Variants in TINAG observed in about 807,000 individuals in gnomAD.
The protein encoded by TINAG is tubulointerstitial nephritis antigen.
Under a neutral mutation model 72.7 loss-of-function variants are expected in TINAG, and 83 were observed. That is an observed-to-expected ratio of 1.14 (90% CI 0.96 to 1.37). The LOEUF (loss-of-function observed/expected upper bound fraction) is 1.37, where lower values mean the gene tolerates loss of function less well. TINAG is among the 40% of genes most tolerant of loss of function. The pLI is 0.00. For synonymous variants in TINAG, 234 were observed against 189.9 expected (o/e 1.23, Z -1.91); for missense variants, 685 against 576.6 (o/e 1.19, Z -1.93).
intron 9 of TINAG, among the ~76,000 whole-genome samples, chr6:54,371,458 C>A (rs1282924399): frequency 6.6e-6 from 1 of 151,454 alleles, no homozygotes; most frequent in East Asian, 1.9e-4. Flanking sequence ...TTTTATTACT[C>A]TGAATGTATT....
rs751547181 is a variant in TINAG, at chr6:54,343,239, C to A, written c.638C>A (p.Ala213Glu). ...SMNEMTASLP[A>E]TTDLPEFFVA... ...CTTCCTCTTTAGGCTTCTTTACCTG[C>A]AACAACTGATCTTCCAGAGTTTTTT... Residue 213 changes from alanine (A) to glutamate (E), a missense_variant, in exon 5 of 11, where the codon GCA becomes GAA. Transcript: ENST00000259782. The A allele has an allele frequency of 6.4e-7, 1 of 1,569,116 alleles. No homozygotes were observed. The highest frequency in any genetic ancestry group is 1.2e-5 in the South Asian group (1 of 82,460).
intron 3 of TINAG, among the ~76,000 whole-genome samples, chr6:54,322,776 A>G (rs1403577173): frequency 6.6e-6 from 1 of 152,206 alleles, no homozygotes; most frequent in Non-Finnish European, 1.5e-5. Context: ...TTTAGAAGAT[A>G]ACTTGATGAC....
intron 9 of TINAG, among the ~76,000 whole-genome samples, chr6:54,377,549 T>C (rs1454597783): frequency 6.6e-6 from 1 of 151,940 alleles, no homozygotes; most frequent in African/African-American, 2.4e-5. Flanking sequence ...ATAACTTCAG[T>C]AAAGTAAGGT....
intron 5 of TINAG, 99 bp downstream of exon 5, chr6:54,343,448 T>C (rs2150954825): frequency 9.1e-7 from 1 of 1,102,122 alleles, no homozygotes; most frequent in Non-Finnish European, 1.2e-6. Context: ...AATATTTAAA[T>C]ATTAGCATAT....
intron 9 of TINAG, among the ~76,000 whole-genome samples, chr6:54,356,541 C>A (rs1204368125): frequency 6.6e-6 from 1 of 151,644 alleles, no homozygotes; most frequent in Non-Finnish European, 1.5e-5. Context: ...CAAAAATTCC[C>A]AAATTATGTC....
chr6:54,320,867 C>G (rs1784475105), intron 2 of TINAG, among the ~76,000 whole-genome samples: 1 of 152,114 alleles, frequency 6.6e-6, no homozygotes, highest in Non-Finnish European at 1.5e-5. Flanking sequence ...ATGTTCTTGA[C>G]AATGGGTCTT....
chr6:54,385,967 T>G (rs1030026586), intron 10 of TINAG, among the ~76,000 whole-genome samples: 3 of 138,182 alleles, frequency 2.2e-5, no homozygotes, highest in African/African-American at 8.4e-5. Flanking sequence ...CTTGGCTAAC[T>G]GCATCCTCTA....
intron 4 of TINAG, among the ~76,000 whole-genome samples, chr6:54,334,575 A>G (rs968203993): frequency 6.6e-6 from 1 of 152,182 alleles, no homozygotes; most frequent in African/African-American, 2.4e-5. Context: ...TCCTATCATT[A>G]CTCACATTTT....
chr6:54,383,205 T>C (rs1764001293), intron 10 of TINAG, among the ~76,000 whole-genome samples: 1 of 152,124 alleles, frequency 6.6e-6, no homozygotes, highest in African/African-American at 2.4e-5. Flanking sequence ...TTGGGAGAAG[T>C]GAAAGAAAAC....
At chr6:54,356,918 T>TA (rs35183858) in intron 9 of TINAG, among the ~76,000 whole-genome samples, 121,163 of 147,154 alleles carry the variant, frequency 0.82, 50,649 homozygotes, top group African/African-American at 0.94. Flanking sequence ...TCCCTCAGAT[T>TA]AAAAAAAAAA....
chr6:54,312,223 T>C (rs922378344), intron 1 of TINAG, among the ~76,000 whole-genome samples: 41 of 152,206 alleles, frequency 2.7e-4, no homozygotes, highest in Admixed American at 2.6e-3. Context: ...CATGCCTGGC[T>C]ATTTTTTTGC....
chr6:54,318,047 G>A (rs1298947600), intron 1 of TINAG, among the ~76,000 whole-genome samples: 1 of 151,678 alleles, frequency 6.6e-6, no homozygotes, highest in South Asian at 2.1e-4. Flanking sequence ...TTCCCTCACA[G>A]GCCACTCCTT....
At chr6:54,361,799 T>C (rs1479055111) in intron 9 of TINAG, among the ~76,000 whole-genome samples, 2 of 151,712 alleles carry the variant, frequency 1.3e-5, no homozygotes, top group African/African-American at 2.4e-5. Flanking sequence ...TTAAAAGTGC[T>C]AATCCAACAA....
At chr6:54,331,026 G>A (rs1389284084) in intron 4 of TINAG, among the ~76,000 whole-genome samples, 2 of 152,164 alleles carry the variant, frequency 1.3e-5, no homozygotes, top group African/African-American at 4.8e-5. Context: ...TATTCCAGAG[G>A]TACAAAGAGG....
Position 54,338,050 on chromosome 6 carries a change from C to T in TINAG, c.625-5176C>T, listed in dbSNP as rs148699100. 2.1e-3 allele frequency among the ~76,000 whole-genome samples: 319 copies of T among 152,284 alleles called. 2 individuals are homozygous for T. The highest frequency in any genetic ancestry group is 7.2e-3 in the African/African-American group (300 of 41,540). Reference sequence around the variant, plus strand: ...ACTTCTGTCTCTCTCAGAATGGAACCTCACACCCTTCGGTAAACTTAGAAA... The same window carrying T: ...ACTTCTGTCTCTCTCAGAATGGAACTTCACACCCTTCGGTAAACTTAGAAA... On this transcript the variant is annotated intron_variant, in intron 4 of 10. Coordinates refer to ENST00000259782, the MANE Select transcript of TINAG (RefSeq NM_014464.4).
intron 9 of TINAG, 77 bp from the exon 10 acceptor site, chr6:54,380,449 A>G (rs1260460706): frequency 8.2e-7 from 1 of 1,224,638 alleles, no homozygotes; most frequent in East Asian, 2.4e-5. Flanking sequence ...TGTAGGAATG[A>G]CAATAATCTG....
intron 1 of TINAG, 33 bp from the exon 2 acceptor site, chr6:54,320,546 G>A (rs760605389): frequency 3.9e-6 from 6 of 1,547,424 alleles, no homozygotes; most frequent in Non-Finnish European, 4.4e-6. Flanking sequence ...ACTTAGTTTA[G>A]CATTTTCATT....
intron 9 of TINAG, among the ~76,000 whole-genome samples, chr6:54,361,288 A>G (rs1763227375): frequency 1.3e-5 from 2 of 151,698 alleles, no homozygotes; most frequent in Non-Finnish European, 2.9e-5. Context: ...TTACACTGCT[A>G]TAAAGAACTA....
intron 9 of TINAG, among the ~76,000 whole-genome samples, chr6:54,364,435 T>C (rs1763343563): frequency 6.6e-6 from 1 of 151,300 alleles, no homozygotes; most frequent in African/African-American, 2.4e-5. Flanking sequence ...AAGGAGAGAA[T>C]TGAGGAATTT....
Sources: gnomAD v4.1 joint callset for allele counts (sites outside exome capture counted in the v4.1 genomes callset) on GRCh38, gnomAD v4.1.1 for gene constraint, MANE v1.5 for transcripts, NCBI Gene and HGNC (gene_info 2026-07-23, HGNC 2026-07-21) for gene names.